TBX19: variants seen among roughly 807,000 people sequenced by gnomAD.
TBX19 encodes T-box transcription factor TBX19.
A neutral mutation model predicts 40.9 loss-of-function variants in TBX19; 33 were observed. The observed-to-expected ratio is 0.81, with a 90% CI of 0.61 to 1.08. The LOEUF is 1.08. Ranked by LOEUF, TBX19 falls within the 50% of genes least tolerant of loss-of-function variation. TBX19 has a pLI of 0.00. For synonymous variants in TBX19, 220 were observed against 225.0 expected, an observed-to-expected ratio of 0.98 and a Z score of 0.20; for missense variants, 494 against 574.0, an observed-to-expected ratio of 0.86 and a Z score of 1.42.
chr1:168,297,271 T>G (rs1169466764), intron 3 of TBX19, among the ~76,000 whole-genome samples: 1 of 152,152 alleles, frequency 6.6e-6, no homozygotes, highest in Non-Finnish European at 1.5e-5. Flanking sequence ...ATGGCACTCA[T>G]CCAGAGGGGC....
intron 1 of TBX19, 113 bp from the exon 2 acceptor site, chr1:168,291,047 T>C: frequency 5.7e-6 from 8 of 1,405,810 alleles, no homozygotes; most frequent in Non-Finnish European, 7.0e-6. Context: ...CCCTGTTTAT[T>C]TGGCCTCCTC....
intron 2 of TBX19, among the ~76,000 whole-genome samples, chr1:168,292,781 G>A (rs1390716004): frequency 2.0e-5 from 3 of 150,508 alleles, no homozygotes; most frequent in African/African-American, 2.4e-5. Flanking sequence ...GGAGAATGGC[G>A]TGAACCCGGG....
chr1:168,281,593 A>G (rs1648651662), intron 1 of TBX19, among the ~76,000 whole-genome samples: 1 of 152,232 alleles, frequency 6.6e-6, no homozygotes, highest in Admixed American at 6.5e-5. Context: ...ATGTCAGAAA[A>G]TAATATTAAT....
chr1:168,295,935 C>G (rs1649093802), intron 3 of TBX19, among the ~76,000 whole-genome samples: 1 of 152,174 alleles, frequency 6.6e-6, no homozygotes, highest in Admixed American at 6.5e-5. Flanking sequence ...CTGGACAGTT[C>G]TCTTTGAACC....
At position 168,293,124 on chromosome 1, in the gene TBX19, C is replaced by T; in HGVS notation, c.469-20C>T. ...ACGGGGCTTTGCTTTTCTCCTCTTT[C>T]TCTTCTCCTGCCTCGACAGATAATG... is the stretch of plus-strand genomic sequence containing the variant. On this transcript the variant is annotated intron_variant, in intron 2 of 7. Coordinates refer to ENST00000367821, the MANE Select transcript of TBX19 (RefSeq NM_005149.3). 1.2e-6 allele frequency: 2 copies of T among 1,613,382 alleles called. No individual in the cohort carries two copies. The highest frequency in any genetic ancestry group is 1.7e-6 in the Non-Finnish European group (2 of 1,179,724).
intron 1 of TBX19, among the ~76,000 whole-genome samples, chr1:168,282,450 A>C (rs955027264): frequency 2.0e-5 from 3 of 152,242 alleles, no homozygotes; most frequent in Non-Finnish European, 2.9e-5. Context: ...AGGGCATTTC[A>C]AGAAATTGCG....
chr1:168,293,033 C>T (rs1572475994), intron 2 of TBX19, 111 bp from the exon 3 acceptor site: 1 of 1,574,796 alleles, frequency 6.4e-7, no homozygotes, highest in East Asian at 2.3e-5. Context: ...AATGTGTGTC[C>T]CTAACCGGGG....
intron 4 of TBX19, among the ~76,000 whole-genome samples, chr1:168,298,873 TTCTTTCTTTCTTTCTTTCTTTCTTTCTC>T (rs1649195171): frequency 3.3e-5 from 4 of 121,094 alleles, no homozygotes; most frequent in African/African-American, 1.1e-4. Flanking sequence ...CTTTCTTTCT[TTCTTTCTTTCTTTCTTTCTTTCTTTCTC>T]TCTCTCTCTC....
In TBX19 at chr1:168,291,413, G is replaced by GGAGGCGGGCAGGTACGAAT; in HGVS notation, c.468+2_468+20dup. On this transcript the variant is annotated frameshift_variant, in exon 2 of 8. Transcript: ENST00000367821. LOFTEE classifies it high-confidence loss of function. ...AGTGAAGCTGACCAACAAGCTCAAT[G>GGAGGCGGGCAGGTACGAAT]GAGGCGGGCAGGTACGAATGAGGCG... 1 of 1,614,186 alleles carries GGAGGCGGGCAGGTACGAAT rather than the reference G, an allele frequency of 6.2e-7. No homozygotes were observed. Among genetic ancestry groups the GGAGGCGGGCAGGTACGAAT allele is most frequent in the South Asian group, 1.1e-5 (1 of 91,080 alleles).
intron 3 of TBX19, among the ~76,000 whole-genome samples, chr1:168,296,440 C>T (rs1228657752): frequency 1.3e-5 from 2 of 152,058 alleles, no homozygotes; most frequent in African/African-American, 4.8e-5. Context: ...AAAGACACAT[C>T]TTACATGGTG....
chr1:168,308,919 G>C, intron 7 of TBX19, 42 bp downstream of exon 7: 1 of 1,613,834 alleles, frequency 6.2e-7, no homozygotes. Context: ...TCGTCTTGGG[G>C]GTTTACTTTA....
intron 1 of TBX19, 90 bp from the exon 2 acceptor site, chr1:168,291,070 G>T (rs375642999): frequency 7.6e-6 from 12 of 1,577,652 alleles, no homozygotes; most frequent in African/African-American, 1.3e-5. Flanking sequence ...AGGGCATTCC[G>T]TGGAAGGTCT....
intron 7 of TBX19, among the ~76,000 whole-genome samples, chr1:168,309,695 A>C (rs1649480729): frequency 6.6e-6 from 1 of 152,122 alleles, no homozygotes; most frequent in Admixed American, 6.5e-5. Context: ...GACTTCTAGA[A>C]ATCTGAGTGG....
intron 1 of TBX19, among the ~76,000 whole-genome samples, chr1:168,284,737 C>T (rs1256767581): frequency 1.5e-5 from 2 of 135,510 alleles, no homozygotes; most frequent in African/African-American, 2.9e-5. Flanking sequence ...CCACTGCACA[C>T]GAGCCTGGGC....
intron 7 of TBX19, 78 bp from the exon 8 acceptor site, chr1:168,312,630 T>C: frequency 6.6e-7 from 1 of 1,521,854 alleles, no homozygotes; most frequent in Non-Finnish European, 9.0e-7. Context: ...CTCAGCACTG[T>C]GTACATGCTT....
chr1:168,284,771 A>G (rs1469259584), intron 1 of TBX19, among the ~76,000 whole-genome samples: 6 of 33,540 alleles, frequency 1.8e-4, no homozygotes, highest in African/African-American at 3.5e-4. Flanking sequence ...CGTGTCTCAA[A>G]AAAAAAAAAA....
At chr1:168,305,271 T>C in intron 6 of TBX19, 75 bp downstream of exon 6, 3 of 1,427,204 alleles carry the variant, frequency 2.1e-6, no homozygotes, top group Non-Finnish European at 2.9e-6. Context: ...GATAAACAGC[T>C]AGGAAAAGGA....
At position 168,312,749 on chromosome 1, in the gene TBX19, GC is replaced by G; in HGVS notation, c.1098del (p.Ser367ValfsTer22). On this transcript the variant is annotated frameshift_variant, in exon 8 of 8. Coordinates refer to ENST00000367821, the MANE Select transcript of TBX19 (RefSeq NM_005149.3). LOFTEE classifies it low-confidence loss of function (END_TRUNC). The part of the protein sequence containing the change: ...CLWTISNGAG[G>X]PSGPGPEVHA... ...TGGACCATCAGCAATGGTGCCGGAG[GC>G]CCCAGTGGGCCAGGCCCGGAGGTGC... 1 of 1,614,068 alleles carries G rather than the reference GC, an allele frequency of 6.2e-7. No individual in the cohort carries two copies. The highest frequency in any genetic ancestry group is 8.5e-7 in the Non-Finnish European group (1 of 1,180,032).
intron 1 of TBX19, among the ~76,000 whole-genome samples, chr1:168,285,296 CACA>C (rs1558188881): frequency 6.2e-5 from 9 of 146,012 alleles, no homozygotes; most frequent in South Asian, 2.2e-4. Context: ...CACACACACA[CACA>C]CCCCTCTAAA....
Sources: gnomAD v4.1 joint callset for allele counts (sites outside exome capture counted in the v4.1 genomes callset) on GRCh38, gnomAD v4.1.1 for gene constraint, MANE v1.5 for transcripts, NCBI Gene and HGNC (gene_info 2026-07-23, HGNC 2026-07-21) for gene names.